Variants in NAT1 observed in about 807,000 individuals in gnomAD.
NAT1 encodes N-acetyltransferase 1.
For missense variants in NAT1, 400 were observed against 339.2 expected (o/e 1.18, Z -1.41); for synonymous variants, 144 against 122.6 (o/e 1.17, Z -1.16).
chr8:18,193,017 C>CAAA (rs960503880), intron 2 of NAT1, among the ~76,000 whole-genome samples: 6 of 144,962 alleles, frequency 4.1e-5, no homozygotes, highest in Non-Finnish European at 9.0e-5. Flanking sequence ...ATAAAATAAA[C>CAAA]AACAACAACA....
chr8:18,196,687 C>T (rs1331898425), intron 2 of NAT1, among the ~76,000 whole-genome samples: 2 of 152,092 alleles, frequency 1.3e-5, no homozygotes, highest in Non-Finnish European at 2.9e-5. Context: ...AGAAAGATGA[C>T]AATGATAAAT....
At chr8:18,172,718 G>A (rs1026056044) in intron 2 of NAT1, among the ~76,000 whole-genome samples, 5 of 152,110 alleles carry the variant, frequency 3.3e-5, no homozygotes, top group African/African-American at 9.7e-5. Flanking sequence ...AAAGATTATA[G>A]CTTATTAATC....
chr8:18,178,631 C>A (rs1469173894), intron 2 of NAT1, among the ~76,000 whole-genome samples: 1 of 152,120 alleles, frequency 6.6e-6, no homozygotes, highest in Non-Finnish European at 1.5e-5. Flanking sequence ...CTGTTCTTTC[C>A]ATTTAAGTCA....
chr8:18,189,009 A>AAAAAAG lies in NAT1; in HGVS notation n.92+18273_92+18274insAAGAAA, dbSNP rs1329509282. Among the ~76,000 whole-genome samples, 83 of 149,228 alleles carry AAAAAAG rather than the reference A, an allele frequency of 5.6e-4. 1 individual carries two copies. In the South Asian group the frequency reaches 0.013, roughly 23 times the overall value. On this transcript the variant is annotated intron_variant and non_coding_transcript_variant, in intron 2 of 4. Transcript: ENST00000517441. ...GACTCCGACTCAAAAAAAAAAAAAA[A>AAAAAAG]AAAGAAAGAAAGAAAGAAAGAAAAT...
chr8:18,180,608 TTA>T (rs1202221379), intron 2 of NAT1, among the ~76,000 whole-genome samples: 1 of 152,154 alleles, frequency 6.6e-6, no homozygotes, highest in Non-Finnish European at 1.5e-5. Context: ...TGGTGACAAT[TTA>T]TATTAAGATA....
intron 1 of NAT1, among the ~76,000 whole-genome samples, chr8:18,214,058 C>T (rs573676145): frequency 1.5e-3 from 233 of 152,222 alleles, no homozygotes; most frequent in Non-Finnish European, 2.4e-3. Context: ...CGTGATCCGC[C>T]CGCCTCGGCT....
chr8:18,216,157 C>A (rs1804640008), intron 1 of NAT1, among the ~76,000 whole-genome samples: 1 of 152,162 alleles, frequency 6.6e-6, no homozygotes, highest in African/African-American at 2.4e-5. Flanking sequence ...AGATGCTACT[C>A]TTTTAGCTGT....
intron 2 of NAT1, chr8:18,201,264 T>G (rs968524552): frequency 1.2e-4 from 18 of 152,226 alleles, no homozygotes; most frequent in African/African-American, 4.3e-4. Flanking sequence ...TGGTTTAAAC[T>G]CATTACCAAT....
chr8:18,216,902 A>G, intron 1 of NAT1: 2 of 1,550,970 alleles, frequency 1.3e-6, no homozygotes, highest in Non-Finnish European at 1.7e-6. Context: ...CCATGCTGTT[A>G]TTACTCTTAC....
At chr8:18,193,430 C>T (rs1408645123) in intron 2 of NAT1, among the ~76,000 whole-genome samples, 1 of 144,574 alleles carries the variant, frequency 6.9e-6, no homozygotes, top group African/African-American at 2.5e-5. Context: ...GCACTCCAAC[C>T]TGGGTGAGAG....
At chr8:18,195,548 T>C (rs1179370988) in intron 2 of NAT1, among the ~76,000 whole-genome samples, 1 of 152,222 alleles carries the variant, frequency 6.6e-6, no homozygotes, top group Non-Finnish European at 1.5e-5. Context: ...CGCTTCCTGC[T>C]TTCAAATAAT....
chr8:18,215,600 A>G (rs771270458), intron 1 of NAT1, among the ~76,000 whole-genome samples: 3 of 152,040 alleles, frequency 2.0e-5, no homozygotes, highest in Non-Finnish European at 4.4e-5. Context: ...CACATGGTCC[A>G]TAGCCCCAGA....
chr8:18,191,410 CA>C (rs1319960863), intron 2 of NAT1, among the ~76,000 whole-genome samples: 1 of 152,054 alleles, frequency 6.6e-6, no homozygotes, highest in Non-Finnish European at 1.5e-5. Flanking sequence ...TTGCATTTCA[CA>C]AGAGAAAATT....
intron 2 of NAT1, among the ~76,000 whole-genome samples, chr8:18,171,139 G>C (rs193222199): frequency 1.3e-5 from 2 of 152,246 alleles, no homozygotes; most frequent in African/African-American, 4.8e-5. Flanking sequence ...GTCCTACAGG[G>C]AGGCCTCAGT....
intron 2 of NAT1, among the ~76,000 whole-genome samples, chr8:18,220,472 G>C (rs909523768): frequency 6.6e-6 from 1 of 152,134 alleles, no homozygotes; most frequent in African/African-American, 2.4e-5. Context: ...GTACAGCACT[G>C]TTACAATCAT....
At chr8:18,203,808 T>C (rs1050623021) in intron 2 of NAT1, among the ~76,000 whole-genome samples, 1 of 152,196 alleles carries the variant, frequency 6.6e-6, no homozygotes, top group African/African-American at 2.4e-5. Context: ...ATTTCCTTTT[T>C]AGTGAAAAGC....
chr8:18,193,138 A>G (rs67849020), intron 2 of NAT1, among the ~76,000 whole-genome samples: 109,076 of 140,346 alleles, frequency 0.78, 42,123 homozygotes, highest in Middle Eastern at 0.82. Context: ...GAGTGCAGTG[A>G]TGCAATCACG....
At chr8:18,180,263 G>T (rs968893810) in intron 2 of NAT1, among the ~76,000 whole-genome samples, 2 of 152,104 alleles carry the variant, frequency 1.3e-5, no homozygotes, top group Non-Finnish European at 2.9e-5. Flanking sequence ...GCTAGAGTTG[G>T]ATTTCACACT....
At chr8:18,186,939 G>A (rs1259488589) in intron 2 of NAT1, among the ~76,000 whole-genome samples, 1 of 152,084 alleles carries the variant, frequency 6.6e-6, no homozygotes, top group African/African-American at 2.4e-5. Flanking sequence ...GCAGGGAAGG[G>A]GCCCCTGGCT....
Sources: gnomAD v4.1 joint callset for allele counts (sites outside exome capture counted in the v4.1 genomes callset) on GRCh38, gnomAD v4.1.1 for gene constraint, MANE v1.5 for transcripts, NCBI Gene and HGNC (gene_info 2026-07-23, HGNC 2026-07-21) for gene names.